TMEM175: variants seen among roughly 807,000 people sequenced by gnomAD.
The protein encoded by TMEM175 is transmembrane protein 175.
In TMEM175, 36 loss-of-function variants were observed where a neutral mutation model predicts 36.5. The ratio of observed to expected loss-of-function variants is 0.99; its 90% CI spans 0.76 to 1.30. The LOEUF (loss-of-function observed/expected upper bound fraction) is 1.30. Among genes scored for constraint, TMEM175 ranks in the 50% most tolerant of loss-of-function variants. The pLI is 0.00. For synonymous variants in TMEM175, 339 were observed against 313.4 expected (o/e 1.08, Z -0.86); for missense variants, 705 against 692.8 (o/e 1.02, Z -0.20).
rs552854387 is a variant in TMEM175, at chr4:932,507, G to A, written c.-65G>A. ...CGGCCGGGCTGACTCAAGCGGAGGC[G>A]CGCGGAACAGTCGCCGAGGCGATTC... On this transcript the variant is annotated 5_prime_UTR_variant, in exon 1 of 11. Transcript: ENST00000264771. The surrounding 1 kb of genome is among the most constrained non-coding windows in gnomAD (Gnocchi z 4.0). 2.4e-5 allele frequency: 11 copies of A among 463,834 alleles called. No homozygotes were observed. Among genetic ancestry groups the A allele is most frequent in the Middle Eastern group, 5.7e-4 (1 of 1,762 alleles). 28.7% of individuals were successfully genotyped at this position (463,834 alleles called of 1,614,324 possible).
At chr4:943,897 A>G (rs1379567878) in intron 1 of TMEM175, among the ~76,000 whole-genome samples, 1 of 152,178 alleles carries the variant, frequency 6.6e-6, no homozygotes, top group Non-Finnish European at 1.5e-5. Flanking sequence ...ACAGCAACCA[A>G]AGAAGTGTGT....
intron 6 of TMEM175, 44 bp downstream of exon 6, chr4:951,761 A>C (rs372732427): frequency 6.2e-7 from 1 of 1,602,698 alleles, no homozygotes; most frequent in Non-Finnish European, 8.5e-7. Context: ...TTTGCTGGGC[A>C]CCACTGGATT....
intron 1 of TMEM175, among the ~76,000 whole-genome samples, chr4:935,456 G>C (rs758142571): frequency 2.0e-5 from 3 of 152,080 alleles, no homozygotes; most frequent in African/African-American, 4.8e-5. Flanking sequence ...ATGAAGAAGG[G>C]GTGAATTCAT....
At chr4:956,369 C>T (rs777369632) in intron 10 of TMEM175, 12 of 1,291,110 alleles carry the variant, frequency 9.3e-6, no homozygotes, top group South Asian at 7.4e-5. Context: ...TCTGCTCCTC[C>T]GCGGCCTCAT....
intron 1 of TMEM175, among the ~76,000 whole-genome samples, chr4:940,448 C>CAAAA (rs397879918): frequency 4.4e-5 from 4 of 91,312 alleles, no homozygotes; most frequent in Non-Finnish European, 8.3e-5. Context: ...AACTCGATCT[C>CAAAA]AAAAAAAAAA....
At chr4:935,772 G>T (rs946224127) in intron 1 of TMEM175, among the ~76,000 whole-genome samples, 2 of 152,188 alleles carry the variant, frequency 1.3e-5, no homozygotes, top group Non-Finnish European at 2.9e-5. Context: ...TATTAAACAA[G>T]TATGTTATCT....
intron 1 of TMEM175, among the ~76,000 whole-genome samples, chr4:935,626 T>C (rs1726701193): frequency 6.6e-6 from 1 of 152,228 alleles, no homozygotes; most frequent in African/African-American, 2.4e-5. Context: ...AGAAAATCAC[T>C]GAGGATATAG....
At chr4:935,797 T>C (rs1042387563) in intron 1 of TMEM175, among the ~76,000 whole-genome samples, 1 of 152,254 alleles carries the variant, frequency 6.6e-6, no homozygotes, top group Non-Finnish European at 1.5e-5. Context: ...AGAATGATAT[T>C]GAATATTAAA....
rs1726084654 is a variant in TMEM175, at chr4:932,486, CG to C, written c.-83del. ...AACTTCCGGCTGTCAAGCTCCCGGC[CG>C]GGCTGACTCAAGCGGAGGCGCGCGG... On this transcript the variant is annotated 5_prime_UTR_variant, in exon 1 of 11. Coordinates refer to ENST00000264771, the MANE Select transcript of TMEM175 (RefSeq NM_032326.4). This position sits in a 1 kb window ranked among gnomAD's most constrained non-coding sequence, Gnocchi z 4.0. The C allele has an allele frequency of 2.1e-6, 1 of 480,784 alleles. No individual in the cohort carries two copies. Among genetic ancestry groups the C allele is most frequent in the African/African-American group, 2.0e-5 (1 of 48,948 alleles). 29.8% of individuals were successfully genotyped at this position (480,784 alleles called of 1,614,324 possible).
intron 1 of TMEM175, among the ~76,000 whole-genome samples, chr4:944,658 C>T (rs1727913874): frequency 6.6e-6 from 1 of 152,128 alleles, no homozygotes; most frequent in Non-Finnish European, 1.5e-5. Flanking sequence ...ATAAATGGTA[C>T]AATAGTATGG....
At chr4:953,049 C>T (rs879085549) in intron 7 of TMEM175, 141 bp from the exon 8 acceptor site, 11 of 807,078 alleles carry the variant, frequency 1.4e-5, no homozygotes, top group African/African-American at 5.3e-5. Context: ...GACCCCTGTG[C>T]GCGCGTGCCA....
At chr4:951,572 A>C in intron 5 of TMEM175, 110 bp from the exon 6 acceptor site, 10 of 1,416,830 alleles carry the variant, frequency 7.1e-6, no homozygotes, top group Non-Finnish European at 9.9e-6. Context: ...TCGCTGGCCC[A>C]CCCTTCTTGG....
At chr4:955,932 A>T in intron 10 of TMEM175, 42 bp downstream of exon 10, 1 of 1,601,784 alleles carries the variant, frequency 6.2e-7, no homozygotes, top group Non-Finnish European at 8.5e-7. Context: ...CAGGTGGCCA[A>T]TGTGTCTTGA....
chr4:954,942 C>T (rs981968021), intron 8 of TMEM175, among the ~76,000 whole-genome samples: 1 of 152,026 alleles, frequency 6.6e-6, no homozygotes, highest in African/African-American at 2.4e-5. Context: ...TTAATTGGGT[C>T]GTCCTTTTAT....
chr4:944,218 A>G (rs1727859366), intron 1 of TMEM175, among the ~76,000 whole-genome samples: 1 of 152,208 alleles, frequency 6.6e-6, no homozygotes, highest in Admixed American at 6.5e-5. Flanking sequence ...GCTTGAACCC[A>G]GGAGGCGGAG....
Position 958,141 on chromosome 4 carries a change from G to A in TMEM175, c.1160G>A (p.Ser387Asn). 6.2e-7 allele frequency: 1 copy of A among 1,603,082 alleles called. No individual in the cohort carries two copies. The highest frequency in any genetic ancestry group is 8.5e-7 in the Non-Finnish European group (1 of 1,179,606). ...AGCTGCACCATCATCTTCCTGGCCAGCATCTTCCAGCTGGCCATGTGGACC... is the reference window on the plus strand; with the variant it reads ...AGCTGCACCATCATCTTCCTGGCCAACATCTTCCAGCTGGCCATGTGGACC... ...RVSCTIIFLA[S>N]IFQLAMWTTA... The change falls in exon 11 of 11, where the codon AGC becomes AAC. Residue 387 changes from serine (S) to asparagine (N), a missense_variant. By Grantham distance (46) the Ser-to-Asn change is conservative (BLOSUM62 1). Transcript: ENST00000264771.
chr4:956,114 C>A (rs1729598974), intron 10 of TMEM175, among the ~76,000 whole-genome samples: 1 of 152,088 alleles, frequency 6.6e-6, no homozygotes, highest in African/African-American at 2.4e-5. Context: ...GCGGCTCCCA[C>A]CCCAAGCACA....
intron 8 of TMEM175, among the ~76,000 whole-genome samples, chr4:953,778 C>T (rs566200673): frequency 2.9e-4 from 44 of 152,340 alleles, no homozygotes; most frequent in Non-Finnish European, 4.3e-4. Context: ...CTCGACCTCC[C>T]GGGCTCAAGT....
rs373083547 is a variant in TMEM175 at position 958,089 on chromosome 4, C to T, written c.1108C>T (p.Arg370Cys). 3.0e-5 allele frequency: 48 copies of T among 1,607,176 alleles called. No individual in the cohort carries two copies. Among genetic ancestry groups the T allele is most frequent in the African/African-American group, 1.5e-4 (11 of 74,944 alleles). The stretch of plus-strand genomic sequence containing the variant: ...GACCTCGGCCTTCGCCCGGCAGCCC[C>T]GCGATGAGCTGGAGCGCGTGCGTGT... ...QQTSAFARQP[R>C]DELERVRVSC... is the part of the protein sequence containing the mutation. The change falls in exon 11 of 11, where the codon CGC becomes TGC. Residue 370 changes from arginine (R) to cysteine (C), a missense_variant. Arg to Cys is a radical substitution (Grantham distance 180). Coordinates refer to ENST00000264771, the MANE Select transcript of TMEM175 (RefSeq NM_032326.4).
Sources: allele counts gnomAD v4.1 joint callset (sites outside exome capture counted in the v4.1 genomes callset), GRCh38; gene constraint gnomAD v4.1.1; non-coding constraint Gnocchi (gnomAD v3.1); transcripts MANE v1.5; gene names NCBI Gene and HGNC (gene_info 2026-07-23, HGNC 2026-07-21).